Variants in DSCAML1 observed in about 807,000 individuals in gnomAD.
The protein encoded by DSCAML1 is cell adhesion molecule DSCAML1.
Under a neutral mutation model 200.5 loss-of-function variants are expected in DSCAML1, and 38 were observed. That is an observed-to-expected ratio of 0.19 (90% confidence interval 0.15 to 0.25). DSCAML1 has a LOEUF of 0.25. DSCAML1 is among the 10% of genes least tolerant of loss of function. The probability of loss-of-function intolerance (pLI) is 1.00; values close to 1 mark genes in which losing one functional copy is unlikely to be tolerated. For synonymous variants in DSCAML1, 1,215 were observed against 1,165.0 expected, an observed-to-expected ratio of 1.04 and a Z score of -0.87; for missense variants, 2,223 against 2,858.8, an observed-to-expected ratio of 0.78 and a Z score of 5.07.
chr11:117,752,767 G>A (rs756353184), intron 3 of DSCAML1, among the ~76,000 whole-genome samples: 7 of 152,210 alleles, frequency 4.6e-5, no homozygotes, highest in South Asian at 2.1e-4. Context: ...TTCTGTCACC[G>A]TTGGGAAACC....
chr11:117,719,671 T>A (rs2054012566), intron 3 of DSCAML1, among the ~76,000 whole-genome samples: 1 of 152,176 alleles, frequency 6.6e-6, no homozygotes. Context: ...CAAAACTAAG[T>A]CCAGATAGGT....
chr11:117,544,112 G>A (rs1484025774), intron 3 of DSCAML1, among the ~76,000 whole-genome samples: 2 of 152,136 alleles, frequency 1.3e-5, no homozygotes, highest in Admixed American at 6.5e-5. Context: ...GAAAAAAATC[G>A]TTGTCTCTCT....
Position 117,515,610 on chromosome 11 carries a change from C to CTTTTTTTTTTTTTTTTT in DSCAML1, c.1783+840_1783+856dup, listed in dbSNP as rs56765238. ...TGTCAAGGGCCCAGGAGGGACGAAG[C>CTTTTTTTTTTTTTTTTT]TTTTTTTTTTTTTTTTTTTTTTTTT... On this transcript the variant is annotated intron_variant, in intron 8 of 32. Transcript: ENST00000651296. 1.6e-3 allele frequency among the ~76,000 whole-genome samples: 101 copies of CTTTTTTTTTTTTTTTTT among 65,118 alleles called. 21 individuals are homozygous for CTTTTTTTTTTTTTTTTT. Among genetic ancestry groups the CTTTTTTTTTTTTTTTTT allele is most frequent in the African/African-American group, 2.2e-3 (26 of 11,914 alleles). The allele number at this position is 65,118 out of a possible 152,430, so 42.7% of individuals were successfully genotyped here.
intron 3 of DSCAML1, among the ~76,000 whole-genome samples, chr11:117,576,940 G>A (rs996924069): frequency 3.3e-5 from 5 of 152,214 alleles, no homozygotes; most frequent in Admixed American, 2.6e-4. Flanking sequence ...TTACGAGGGC[G>A]TCCACTTTTC....
chr11:117,686,688 T>C (rs2053405883), intron 3 of DSCAML1, among the ~76,000 whole-genome samples: 1 of 152,128 alleles, frequency 6.6e-6, no homozygotes, highest in Non-Finnish European at 1.5e-5. Flanking sequence ...GAATCCAGAA[T>C]TTTAAGGAAG....
intron 3 of DSCAML1, among the ~76,000 whole-genome samples, chr11:117,543,288 G>A (rs2050304705): frequency 1.3e-5 from 2 of 152,242 alleles, no homozygotes; most frequent in African/African-American, 2.4e-5. Flanking sequence ...GGAGCATGGT[G>A]CATGCGCTGG....
At chr11:117,709,282 T>G (rs1388987663) in intron 3 of DSCAML1, among the ~76,000 whole-genome samples, 2 of 152,164 alleles carry the variant, frequency 1.3e-5, no homozygotes, top group Non-Finnish European at 2.9e-5. Context: ...AGACTGCAAG[T>G]CTAAGGTCAA....
intron 3 of DSCAML1, among the ~76,000 whole-genome samples, chr11:117,723,183 C>T (rs2054068546): frequency 6.6e-6 from 1 of 152,218 alleles, no homozygotes; most frequent in Admixed American, 6.5e-5. Context: ...AAAAGTATTA[C>T]TACTATACTG....
intron 3 of DSCAML1, among the ~76,000 whole-genome samples, chr11:117,634,667 G>A (rs2052242073): frequency 6.6e-6 from 1 of 152,162 alleles, no homozygotes; most frequent in South Asian, 2.1e-4. Flanking sequence ...ACATCCACTT[G>A]CAAATCCTCT....
At chr11:117,524,611 C>T (rs1293822008) in intron 5 of DSCAML1, among the ~76,000 whole-genome samples, 194 bp downstream of exon 5, 1 of 152,184 alleles carries the variant, frequency 6.6e-6, no homozygotes, top group Admixed American at 6.5e-5. Flanking sequence ...TCTGCTAATG[C>T]CAGAAACAAA....
chr11:117,618,732 G>A, intron 3 of DSCAML1, among the ~76,000 whole-genome samples: 1 of 152,134 alleles, frequency 6.6e-6, no homozygotes, highest in East Asian at 1.9e-4. Flanking sequence ...GGGGAAACAA[G>A]GAGCAGGGAG....
At chr11:117,738,181 T>C (rs1440251525) in intron 3 of DSCAML1, among the ~76,000 whole-genome samples, 1 of 152,186 alleles carries the variant, frequency 6.6e-6, no homozygotes, top group African/African-American at 2.4e-5. Flanking sequence ...CAGTTTCAAA[T>C]GGCACCAATT....
chr11:117,780,467 G>A lies in DSCAML1; in HGVS notation c.364+26C>T, dbSNP rs1483542787. 4.9e-6 allele frequency: 7 copies of A among 1,419,208 alleles called. No homozygotes were observed. Among genetic ancestry groups the A allele is most frequent in the African/African-American group, 2.9e-5 (2 of 68,440 alleles). 87.9% of individuals were successfully genotyped at this position (1,419,208 alleles called of 1,614,324 possible). A position where few individuals can be genotyped will look rare whatever the true frequency, so the allele number is the denominator to read the frequency against. On this transcript the variant is annotated intron_variant, in intron 2 of 32. Transcript: ENST00000651296. This position sits in a 1 kb window ranked among gnomAD's most constrained non-coding sequence, Gnocchi z 4.8. ...CGGCGCAGCCTCCTCCTGTGCCACTGGGGCAGCCAGTGTCTTGTCCCTTAC... is the reference window on the plus strand; with the variant it reads ...CGGCGCAGCCTCCTCCTGTGCCACTAGGGCAGCCAGTGTCTTGTCCCTTAC...
chr11:117,812,231 A>G (rs1054400860), intron 1 of DSCAML1, among the ~76,000 whole-genome samples: 1 of 151,970 alleles, frequency 6.6e-6, no homozygotes, highest in Non-Finnish European at 1.5e-5. Flanking sequence ...TTAAAACCTA[A>G]TCACCCTTAC....
intron 3 of DSCAML1, among the ~76,000 whole-genome samples, chr11:117,584,325 C>CA (rs1383956997): frequency 2.6e-5 from 4 of 152,336 alleles, no homozygotes; most frequent in East Asian, 3.9e-4. Context: ...GCCCCACCAC[C>CA]GGGATACAGT....
At chr11:117,558,165 G>A (rs1283409972) in intron 3 of DSCAML1, among the ~76,000 whole-genome samples, 1 of 152,068 alleles carries the variant, frequency 6.6e-6, no homozygotes, top group Non-Finnish European at 1.5e-5. Context: ...GTGCCATAGA[G>A]GCAACAAAAG....
In DSCAML1 at chr11:117,435,730, C is replaced by A. The variant is rs2047902353; in HGVS notation, c.4790G>T (p.Cys1597Phe). 1.9e-6 allele frequency: 3 copies of A among 1,613,556 alleles called. No individual in the cohort carries two copies. The highest frequency in any genetic ancestry group is 2.5e-6 in the Non-Finnish European group (3 of 1,179,502). The change falls in exon 27 of 33, where the codon TGC becomes TTC. Residue 1597 changes from cysteine (C) to phenylalanine (F), a missense_variant. Transcript: ENST00000651296. Reference protein sequence around the residue: ...DDVKKLFTIGCPVILATLGVA... With the variant: ...DDVKKLFTIGFPVILATLGVA... ...CCCCAGTGTGGCCAGGATGACAGGG[C>A]AGCCGATGGTGAACAGCTTCTTCAC...
At chr11:117,460,373 G>T (rs1350605603) in intron 18 of DSCAML1, among the ~76,000 whole-genome samples, 2 of 152,156 alleles carry the variant, frequency 1.3e-5, no homozygotes, top group African/African-American at 4.8e-5. Context: ...GCAGAATCTG[G>T]ATGGGAGAGG....
intron 11 of DSCAML1, among the ~76,000 whole-genome samples, chr11:117,502,131 C>A (rs1251203529): frequency 6.6e-6 from 1 of 152,160 alleles, no homozygotes; most frequent in Non-Finnish European, 1.5e-5. Context: ...AGGAAAAGTA[C>A]AGGCCCGCCA....
Sources: gnomAD v4.1 joint callset for allele counts (sites outside exome capture counted in the v4.1 genomes callset) on GRCh38, gnomAD v4.1.1 for gene constraint, Gnocchi (gnomAD v3.1) non-coding constraint, MANE v1.5 for transcripts, NCBI Gene and HGNC (gene_info 2026-07-23, HGNC 2026-07-21) for gene names.